Variants in SRFBP1 observed in about 807,000 individuals in gnomAD.
SRFBP1 encodes serum response factor binding protein 1, also known as serum response factor-binding protein 1.
In SRFBP1, 47 loss-of-function variants were observed where a neutral mutation model predicts 45.5. The ratio of observed to expected loss-of-function variants is 1.03; its 90% CI spans 0.82 to 1.32. SRFBP1 has a LOEUF of 1.32. Among genes scored for constraint, SRFBP1 ranks in the 40% most tolerant of loss-of-function variants. The pLI is 0.00. For synonymous variants in SRFBP1, 203 were observed against 166.3 expected (o/e 1.22, Z -1.70); for missense variants, 621 against 484.6 (o/e 1.28, Z -2.64).
rs1469269685 is a variant in SRFBP1 at position 121,975,448 on chromosome 5, T to A, written c.198+61T>A. On this transcript the variant is annotated intron_variant, in intron 3 of 7. Coordinates refer to ENST00000339397, the MANE Select transcript of SRFBP1 (RefSeq NM_152546.3). The stretch of plus-strand genomic sequence containing the variant: ...TCTGAGTATCCTGTTATCCTGCATT[T>A]TGTTTGTGTGTGGTATTGCTTATTT... 9 of 1,585,760 alleles carry A rather than the reference T, an allele frequency of 5.7e-6. No homozygotes were observed. In the Admixed American group the frequency reaches 1.5e-4, roughly 27 times the overall value.
At chr5:121,997,745 A>G (rs1290351484) in intron 4 of SRFBP1, among the ~76,000 whole-genome samples, 2 of 151,972 alleles carry the variant, frequency 1.3e-5, no homozygotes, top group African/African-American at 4.8e-5. Flanking sequence ...AAAATGGGAG[A>G]AAATTTTCGC....
chr5:121,990,893 TC>T (rs1752609238), intron 3 of SRFBP1, among the ~76,000 whole-genome samples: 1 of 152,222 alleles, frequency 6.6e-6, no homozygotes, highest in Non-Finnish European at 1.5e-5. Flanking sequence ...TATGTACACT[TC>T]TGAATAGTTA....
At chr5:121,967,475 G>A (rs1046813156) in intron 1 of SRFBP1, among the ~76,000 whole-genome samples, 1 of 152,080 alleles carries the variant, frequency 6.6e-6, no homozygotes. Flanking sequence ...TTGCTCATCA[G>A]AAATAAAAAG....
downstream of SRFBP1, chr5:122,077,717 G>A (rs749280415): frequency 5.7e-6 from 9 of 1,586,302 alleles, no homozygotes; most frequent in Middle Eastern, 1.7e-4. This position sits in a 1 kb window ranked among gnomAD's most constrained non-coding sequence, Gnocchi z 4.9. Flanking sequence ...CAGCAGGATC[G>A]GAGTGCGGGG....
chr5:122,029,061 C>G (rs955973991), downstream of SRFBP1, among the ~76,000 whole-genome samples: 1 of 151,646 alleles, frequency 6.6e-6, no homozygotes, highest in South Asian at 2.1e-4. Context: ...TGGTTCTCGA[C>G]TTGGAGTGAT....
At chr5:122,000,895 G>A (rs1004860250) in intron 4 of SRFBP1, among the ~76,000 whole-genome samples, 1 of 152,026 alleles carries the variant, frequency 6.6e-6, no homozygotes, top group East Asian at 1.9e-4. Context: ...CAAATTTTGG[G>A]TTATCTAGAG....
intron 2 of SRFBP1, chr5:122,065,833 G>A (rs949346903): frequency 6.6e-6 from 1 of 151,996 alleles, no homozygotes; most frequent in African/African-American, 2.4e-5. Flanking sequence ...CAAGAAAATT[G>A]TATCTTTGGC....
intron 1 of SRFBP1, among the ~76,000 whole-genome samples, chr5:121,963,212 T>G (rs1368083300): frequency 6.6e-6 from 1 of 152,060 alleles, no homozygotes; most frequent in Non-Finnish European, 1.5e-5. Flanking sequence ...TGGGAACTTG[T>G]GAGATGAAGA....
intron 4 of SRFBP1, among the ~76,000 whole-genome samples, chr5:122,000,100 G>GT (rs1380152035): frequency 1.3e-5 from 2 of 151,406 alleles, no homozygotes; most frequent in Non-Finnish European, 3.0e-5. Flanking sequence ...TTTTATTATT[G>GT]TTTTTTAGTG....
chr5:121,972,156 G>A (rs1200355429), intron 1 of SRFBP1, among the ~76,000 whole-genome samples: 2 of 151,898 alleles, frequency 1.3e-5, no homozygotes, highest in East Asian at 1.9e-4. Context: ...ATGGTAAAGG[G>A]ATAATCCATA....
chr5:122,047,870 G>T (rs1313026488), intron 2 of SRFBP1, among the ~76,000 whole-genome samples: 1 of 152,144 alleles, frequency 6.6e-6, no homozygotes, highest in East Asian at 1.9e-4. Context: ...GTATAAGAAT[G>T]CTTGTGATTT....
At chr5:121,963,579 G>A (rs1190229066) in intron 1 of SRFBP1, among the ~76,000 whole-genome samples, 1 of 152,068 alleles carries the variant, frequency 6.6e-6, no homozygotes, top group African/African-American at 2.4e-5. Context: ...TTGACCTTTA[G>A]GAAACCTTCA....
chr5:122,077,540 C>G (rs1211587869), downstream of SRFBP1: 3 of 1,613,620 alleles, frequency 1.9e-6, no homozygotes, highest in African/African-American at 2.7e-5. The surrounding 1 kb of genome is among the most constrained non-coding windows in gnomAD (Gnocchi z 4.9). Context: ...AGGAACTTCT[C>G]CCGGCGCTGT....
At chr5:122,017,171 G>A (rs889397594) in intron 4 of SRFBP1, among the ~76,000 whole-genome samples, 1 of 152,194 alleles carries the variant, frequency 6.6e-6, no homozygotes. Context: ...GGAGGTTGCA[G>A]TAAGCCAAGA....
intron 7 of SRFBP1, among the ~76,000 whole-genome samples, 171 bp from the exon 8 acceptor site, chr5:122,026,771 A>C (rs1753489883): frequency 6.6e-6 from 1 of 152,142 alleles, no homozygotes; most frequent in Non-Finnish European, 1.5e-5. Flanking sequence ...CTTGTATATA[A>C]ATTTTCAACT....
chr5:122,069,852 A>T, intron 2 of SRFBP1: 1 of 574,948 alleles, frequency 1.7e-6, no homozygotes, highest in Non-Finnish European at 3.3e-6. Flanking sequence ...GCTTCTCCTG[A>T]AAACTAAAAA....
chr5:122,061,044 C>A lies in SRFBP1; in HGVS notation n.312-14271C>A, dbSNP rs146223361. On this transcript the variant is annotated intron_variant and non_coding_transcript_variant, in intron 2 of 2. Transcript: ENST00000504881. Reference sequence around the variant, plus strand: ...ATATCATCATTCTAAAAAATAATGTCAAAAATAATTGAAAATTCTTGACTC... The same window carrying A: ...ATATCATCATTCTAAAAAATAATGTAAAAAATAATTGAAAATTCTTGACTC... Among the ~76,000 whole-genome samples the A allele has an allele frequency of 4.7e-4, 71 of 152,076 alleles. No individual in the cohort carries two copies. The East Asian group carries it at 0.011, about 23-fold the overall frequency.
intron 1 of SRFBP1, among the ~76,000 whole-genome samples, chr5:121,965,426 A>G (rs1194850497): frequency 1.3e-5 from 2 of 151,956 alleles, no homozygotes; most frequent in East Asian, 1.9e-4. Context: ...AGTTTTCCCA[A>G]CACCATCTAT....
At chr5:122,045,775 T>C (rs1463716859) in intron 2 of SRFBP1, among the ~76,000 whole-genome samples, 2 of 152,236 alleles carry the variant, frequency 1.3e-5, no homozygotes, top group East Asian at 3.9e-4. Flanking sequence ...TGGGGTTTTC[T>C]AGATATAGAA....
Sources: allele counts gnomAD v4.1 joint callset (sites outside exome capture counted in the v4.1 genomes callset), GRCh38; gene constraint gnomAD v4.1.1; non-coding constraint Gnocchi (gnomAD v3.1); transcripts MANE v1.5; gene names NCBI Gene and HGNC (gene_info 2026-07-23, HGNC 2026-07-21).